MYO16: variants seen among roughly 807,000 people sequenced by gnomAD.
The protein encoded by MYO16 is myosin XVI.
MYO16 carries 94 observed loss-of-function variants against 205.3 expected under a neutral mutation model. That is an observed-to-expected ratio of 0.46 (90% CI 0.39 to 0.54). The LOEUF is 0.54. Among genes scored for constraint, MYO16 ranks in the 20% least tolerant of loss-of-function variants. MYO16 has a pLI of 0.00. For synonymous variants in MYO16, 988 were observed against 954.0 expected, an observed-to-expected ratio of 1.04 and a Z score of -0.66; for missense variants, 2,315 against 2,387.5, an observed-to-expected ratio of 0.97 and a Z score of 0.63.
At chr13:108,715,543 C>G (rs1303278763) in intron 3 of MYO16, among the ~76,000 whole-genome samples, 1 of 152,128 alleles carries the variant, frequency 6.6e-6, no homozygotes, top group Non-Finnish European at 1.5e-5. Context: ...GTGCCTGATA[C>G]TCGGAGATGC....
At position 108,674,873 on chromosome 13, in the gene MYO16, T is replaced by C. The variant is rs1049752661; in HGVS notation, c.292+8724T>C. On this transcript the variant is annotated intron_variant, in intron 2 of 34. Transcript: ENST00000457511. Reference sequence around the variant, plus strand: ...GTAGAGCAAATATAAAATATCAGCCTGTCCTAAGGAAGAAATGGGGAGGCA... The same window carrying C: ...GTAGAGCAAATATAAAATATCAGCCCGTCCTAAGGAAGAAATGGGGAGGCA... Among the ~76,000 whole-genome samples the C allele has an allele frequency of 5.9e-5, 9 of 152,316 alleles. No homozygotes were observed. In the East Asian group the frequency reaches 1.4e-3, roughly 23 times the overall value.
chr13:108,736,291 G>T (rs994477466), intron 4 of MYO16, among the ~76,000 whole-genome samples: 4 of 152,186 alleles, frequency 2.6e-5, no homozygotes, highest in Admixed American at 6.5e-5. Flanking sequence ...TAACATTGAA[G>T]TCTTTAATCC....
chr13:108,785,079 G>A (rs952065641), intron 4 of MYO16, among the ~76,000 whole-genome samples: 1 of 152,156 alleles, frequency 6.6e-6, no homozygotes, highest in East Asian at 1.9e-4. Flanking sequence ...CATGCCTTTT[G>A]TTAGAAGATA....
intron 16 of MYO16, among the ~76,000 whole-genome samples, chr13:108,922,155 T>C (rs2139266869): frequency 6.6e-6 from 1 of 152,324 alleles, no homozygotes; most frequent in South Asian, 2.1e-4. Flanking sequence ...GGATTCATCA[T>C]GTAGCTGTGA....
At chr13:108,570,902 A>G in the MYO16 span, among the ~76,000 whole-genome samples, 1 of 152,180 alleles carries the variant, frequency 6.6e-6, no homozygotes, top group Non-Finnish European at 1.5e-5. Context: ...ATTATTTTGA[A>G]TTAAAACATC....
At chr13:108,728,470 C>T (rs1408351455) in intron 4 of MYO16, among the ~76,000 whole-genome samples, 1 of 152,178 alleles carries the variant, frequency 6.6e-6, no homozygotes, top group Admixed American at 6.5e-5. Context: ...AACACAAGCA[C>T]CCTTGCGGAG....
At chr13:108,881,457 GAGA>G (rs1259514717) in intron 12 of MYO16, among the ~76,000 whole-genome samples, 1 of 152,244 alleles carries the variant, frequency 6.6e-6, no homozygotes, top group Admixed American at 6.5e-5. Context: ...GACGAGTTGA[GAGA>G]AGAAGGCTTC....
chr13:108,910,231 A>T (rs1444891952), intron 16 of MYO16, 81 bp downstream of exon 16: 3 of 1,423,636 alleles, frequency 2.1e-6, no homozygotes, highest in Non-Finnish European at 2.9e-6. Context: ...TTATCTTCTT[A>T]CTTTTCAGAG....
intron 15 of MYO16, among the ~76,000 whole-genome samples, chr13:108,898,983 A>G (rs1880577000): frequency 6.6e-6 from 1 of 152,202 alleles, no homozygotes; most frequent in African/African-American, 2.4e-5. Context: ...GTTTAATTTT[A>G]CTTGGCTTTT....
chr13:108,574,834 T>G, the MYO16 span, among the ~76,000 whole-genome samples: 1 of 152,056 alleles, frequency 6.6e-6, no homozygotes, highest in East Asian at 1.9e-4. Flanking sequence ...AAAGTTTGGT[T>G]AGGAAAAAAA....
chr13:109,045,999 C>CGGCGGATGCTCGCCCTCCCTCAT (rs1269674284), intron 23 of MYO16, among the ~76,000 whole-genome samples: 32 of 151,696 alleles, frequency 2.1e-4, no homozygotes, highest in African/African-American at 6.6e-4. Context: ...TTCTCCCTCA[C>CGGCGGATGCTCGCCCTCCCTCAT]GGCGGATGCT....
intron 23 of MYO16, among the ~76,000 whole-genome samples, chr13:109,026,041 G>C (rs756056440): frequency 4.6e-5 from 7 of 152,168 alleles, no homozygotes; most frequent in Non-Finnish European, 8.8e-5. Flanking sequence ...ATCCCATTGT[G>C]ATTGGCCTGA....
At chr13:109,107,497 G>C (rs1408851606) in intron 28 of MYO16, among the ~76,000 whole-genome samples, 2 of 152,074 alleles carry the variant, frequency 1.3e-5, no homozygotes, top group East Asian at 3.9e-4. Context: ...AAATAAAATA[G>C]AAGAGCAAGG....
intron 31 of MYO16, among the ~76,000 whole-genome samples, chr13:109,137,796 CA>C (rs1335042318): frequency 6.6e-6 from 1 of 152,164 alleles, no homozygotes; most frequent in Non-Finnish European, 1.5e-5. Context: ...CCATTTTGTG[CA>C]TGAAAACCCT....
intron 17 of MYO16, among the ~76,000 whole-genome samples, chr13:108,960,536 G>A (rs1351309863): frequency 6.6e-6 from 1 of 152,068 alleles, no homozygotes; most frequent in Non-Finnish European, 1.5e-5. Flanking sequence ...AAGCTCTGGG[G>A]AAAATCACGG....
chr13:108,520,873 G>A, the MYO16 span, among the ~76,000 whole-genome samples: 1 of 152,164 alleles, frequency 6.6e-6, no homozygotes, highest in Non-Finnish European at 1.5e-5. Flanking sequence ...TGAGTCAGTA[G>A]AGGATTGGAA....
At chr13:109,156,190 G>C (rs1218803557) in intron 32 of MYO16, among the ~76,000 whole-genome samples, 1 of 152,146 alleles carries the variant, frequency 6.6e-6, no homozygotes, top group Non-Finnish European at 1.5e-5. Context: ...CCAATTTCAG[G>C]TCGAAGTGCT....
intron 2 of MYO16, among the ~76,000 whole-genome samples, chr13:108,685,810 A>G (rs907487054): frequency 6.6e-6 from 1 of 152,186 alleles, no homozygotes; most frequent in Non-Finnish European, 1.5e-5. Flanking sequence ...GCTTACAGGC[A>G]GTGGTCTTCT....
intron 22 of MYO16, among the ~76,000 whole-genome samples, chr13:109,010,415 A>G (rs1481369141): frequency 2.0e-5 from 3 of 152,222 alleles, no homozygotes; most frequent in Non-Finnish European, 4.4e-5. Context: ...TTTGAAGACA[A>G]TACAAATAAT....
Sources: gnomAD v4.1 joint callset for allele counts (sites outside exome capture counted in the v4.1 genomes callset) on GRCh38, gnomAD v4.1.1 for gene constraint, MANE v1.5 for transcripts, NCBI Gene and HGNC (gene_info 2026-07-23, HGNC 2026-07-21) for gene names.